The following LAMA2 variants were observed in gnomAD, a reference collection of about 807,000 sequenced individuals.
LAMA2 encodes laminin subunit alpha-2.
In LAMA2, 269 loss-of-function variants were observed where a neutral mutation model predicts 364.8. The observed-to-expected ratio is 0.74, with a 90% CI of 0.67 to 0.82. The LOEUF (loss-of-function observed/expected upper bound fraction) is 0.82, where lower values mean the gene tolerates loss of function less well. Ranked by LOEUF, LAMA2 falls within the 40% of genes least tolerant of loss-of-function variation. The pLI, the probability that LAMA2 is intolerant of heterozygous loss-of-function variation, is 0.00. For missense variants in LAMA2, 3,807 were observed against 3,873.2 expected (o/e 0.98, Z 0.45); for synonymous variants, 1,379 against 1,370.6 (o/e 1.01, Z -0.14).
intron 13 of LAMA2, among the ~76,000 whole-genome samples, chr6:129,251,712 C>A (rs1786257480): frequency 6.6e-6 from 1 of 152,106 alleles, no homozygotes; most frequent in African/African-American, 2.4e-5. Flanking sequence ...GCAGGTGGAT[C>A]ACCTGATGTC....
chr6:129,447,555 A>G (rs144939642), intron 45 of LAMA2, among the ~76,000 whole-genome samples: 2 of 152,388 alleles, frequency 1.3e-5, no homozygotes, highest in East Asian at 3.9e-4. Context: ...TCAGGCCTTC[A>G]ATAATCAGTT....
In LAMA2 at chr6:129,174,484, A is replaced by AGTGT. The variant is rs58286852; in HGVS notation, c.1307-3203_1307-3200dup. ...GGACTTCATTTTCTTATGTTTCGTA[A>AGTGT]GTGTGTGTGTGTGTGTGTGTGTATG... On this transcript the variant is annotated intron_variant, in intron 9 of 64. Coordinates refer to ENST00000421865, the MANE Select transcript of LAMA2 (RefSeq NM_000426.4). Among the ~76,000 whole-genome samples the AGTGT allele has an allele frequency of 4.8e-3, 710 of 147,102 alleles. 4 individuals carry two copies. Among genetic ancestry groups the AGTGT allele is most frequent in the African/African-American group, 0.015 (627 of 40,550 alleles).
chr6:129,026,562 C>A (rs11154457), intron 1 of LAMA2, among the ~76,000 whole-genome samples: 86,418 of 152,038 alleles, frequency 0.57, 28,720 homozygotes, highest in East Asian at 0.96. Context: ...GATACTTTAA[C>A]TCTTTCAGAT....
chr6:129,370,041 G>A (rs1173547064), intron 34 of LAMA2, 51 bp downstream of exon 34: 1 of 1,452,278 alleles, frequency 6.9e-7, no homozygotes, highest in Non-Finnish European at 9.7e-7. Flanking sequence ...TTATGTCAAT[G>A]AAGGAAAATT....
intron 4 of LAMA2, among the ~76,000 whole-genome samples, chr6:129,120,276 G>A (rs1309778962): frequency 2.0e-5 from 3 of 151,986 alleles, no homozygotes; most frequent in African/African-American, 7.2e-5. Flanking sequence ...GATATTTTGG[G>A]ATTTCTGAAA....
intron 40 of LAMA2, among the ~76,000 whole-genome samples, chr6:129,423,088 T>C (rs763708752): frequency 1.5e-4 from 23 of 152,058 alleles, no homozygotes; most frequent in Non-Finnish European, 3.1e-4. Flanking sequence ...GCAAACTATA[T>C]AATCACCTCA....
At chr6:129,190,179 T>C (rs774458647) in intron 10 of LAMA2, 26 bp from the exon 11 acceptor site, 6 of 1,611,620 alleles carry the variant, frequency 3.7e-6, no homozygotes, top group African/African-American at 1.3e-5. Context: ...GATACCTCTG[T>C]TGCTGATACA....
At chr6:129,466,872 T>C (rs1264059805) in intron 51 of LAMA2, among the ~76,000 whole-genome samples, 1 of 151,864 alleles carries the variant, frequency 6.6e-6, no homozygotes, top group Non-Finnish European at 1.5e-5. Context: ...CTGAAAGCCA[T>C]AGGGATACCG....
At chr6:129,257,652 T>C (rs1315479421) in intron 14 of LAMA2, among the ~76,000 whole-genome samples, 1 of 152,066 alleles carries the variant, frequency 6.6e-6, no homozygotes, top group African/African-American at 2.4e-5. Context: ...GATAATCAAC[T>C]AGTGTATCAA....
chr6:128,897,607 A>G (rs901779597), intron 1 of LAMA2, among the ~76,000 whole-genome samples: 4 of 152,252 alleles, frequency 2.6e-5, no homozygotes, highest in African/African-American at 9.6e-5. Flanking sequence ...GGCTCAGGGT[A>G]TCCCCAAAAC....
chr6:129,433,247 G>A (rs1179756144), intron 41 of LAMA2, among the ~76,000 whole-genome samples: 6 of 109,418 alleles, frequency 5.5e-5, no homozygotes, highest in Admixed American at 5.0e-4. Context: ...AAATTGGAGG[G>A]ATTTTTTCTA....
At chr6:129,178,944 C>T (rs754135847) in intron 10 of LAMA2, among the ~76,000 whole-genome samples, 2 of 152,046 alleles carry the variant, frequency 1.3e-5, no homozygotes, top group African/African-American at 4.8e-5. Context: ...CTATTTTGAA[C>T]TACTGAAATA....
intron 14 of LAMA2, among the ~76,000 whole-genome samples, chr6:129,253,996 A>C (rs893971139): frequency 1.3e-5 from 2 of 152,242 alleles, no homozygotes; most frequent in African/African-American, 2.4e-5. Flanking sequence ...GTGAGCTGAA[A>C]GTCGGCATGA....
At chr6:129,395,840 A>G (rs1168894861) in intron 37 of LAMA2, among the ~76,000 whole-genome samples, 3 of 152,232 alleles carry the variant, frequency 2.0e-5, no homozygotes, top group South Asian at 2.1e-4. Flanking sequence ...GGAAAAACAT[A>G]TACAAAGGCA....
intron 1 of LAMA2, among the ~76,000 whole-genome samples, chr6:129,008,401 C>T (rs6569573): frequency 0.34 from 51,854 of 151,922 alleles, 10,529 homozygotes; most frequent in African/African-American, 0.57. Context: ...GACCCACATG[C>T]TATTATACAA....
chr6:129,029,639 A>G (rs1258607600), intron 1 of LAMA2, among the ~76,000 whole-genome samples: 1 of 151,976 alleles, frequency 6.6e-6, no homozygotes, highest in Non-Finnish European at 1.5e-5. Context: ...ATGATGAGCA[A>G]TTTTCTTAAT....
rs1184299773 is a variant in LAMA2 at position 129,140,813 on chromosome 6, C to T, written c.640-3088C>T. On this transcript the variant is annotated intron_variant, in intron 4 of 64. Transcript: ENST00000421865. Reference sequence around the variant, plus strand: ...CCAAACAGCTGGCTTGTTTTATATCCCAGAAACAGCTTGGGACTAACTATA... The same window carrying T: ...CCAAACAGCTGGCTTGTTTTATATCTCAGAAACAGCTTGGGACTAACTATA... Among the ~76,000 whole-genome samples the T allele has an allele frequency of 2.0e-5, 3 of 151,946 alleles. No individual in the cohort carries two copies. The East Asian group carries it at 5.8e-4, about 29-fold the overall frequency.
intron 8 of LAMA2, chr6:129,159,076 C>A: frequency 6.3e-7 from 1 of 1,579,152 alleles, no homozygotes; most frequent in Non-Finnish European, 8.7e-7. Context: ...AAATGATGAA[C>A]AAATAGGCTC....
chr6:128,936,902 G>T (rs1779850983), intron 1 of LAMA2, among the ~76,000 whole-genome samples: 1 of 152,132 alleles, frequency 6.6e-6, no homozygotes, highest in Non-Finnish European at 1.5e-5. Context: ...GTTGATGGTT[G>T]GATGCCAGGT....
Sources: gnomAD v4.1 joint callset for allele counts (sites outside exome capture counted in the v4.1 genomes callset) on GRCh38, gnomAD v4.1.1 for gene constraint, MANE v1.5 for transcripts, NCBI Gene and HGNC (gene_info 2026-07-23, HGNC 2026-07-21) for gene names.